The following NUDCD1 variants were observed in gnomAD, a reference collection of about 807,000 sequenced individuals.
The protein encoded by NUDCD1 is NudC domain containing 1, also known as nudC domain-containing protein 1.
A neutral mutation model predicts 67.8 loss-of-function variants in NUDCD1; 60 were observed. The ratio of observed to expected loss-of-function variants is 0.88; its 90% CI spans 0.72 to 1.10. The LOEUF (loss-of-function observed/expected upper bound fraction) is 1.10. Ranked by LOEUF, NUDCD1 falls within the 50% of genes least tolerant of loss-of-function variation. NUDCD1 has a pLI of 0.00. For synonymous variants in NUDCD1, 244 were observed against 230.8 expected, an observed-to-expected ratio of 1.06 and a Z score of -0.52; for missense variants, 643 against 695.0, an observed-to-expected ratio of 0.93 and a Z score of 0.84.
intron 1 of NUDCD1, among the ~76,000 whole-genome samples, chr8:109,332,074 T>A (rs1328883462): frequency 6.6e-6 from 1 of 152,202 alleles, no homozygotes; most frequent in Non-Finnish European, 1.5e-5. Context: ...ATTGAATACA[T>A]CCTATGTGCC....
intron 8 of NUDCD1, among the ~76,000 whole-genome samples, chr8:109,247,808 T>C (rs1813532816): frequency 2.6e-5 from 4 of 152,218 alleles, no homozygotes; most frequent in Non-Finnish European, 5.9e-5. Flanking sequence ...GCATCATGTA[T>C]GTTATTCCTA....
At chr8:109,313,758 C>A (rs1321410214) in intron 2 of NUDCD1, 6 of 517,942 alleles carry the variant, frequency 1.2e-5, no homozygotes, top group South Asian at 9.3e-5. Context: ...TCATTTTATA[C>A]ACAATTATGA....
intron 8 of NUDCD1, among the ~76,000 whole-genome samples, chr8:109,263,076 A>AAAAC: frequency 6.7e-6 from 1 of 150,226 alleles, no homozygotes; most frequent in Non-Finnish European, 1.5e-5. Context: ...AAAAAAAAAA[A>AAAAC]AAACCCTGAA....
intron 8 of NUDCD1, among the ~76,000 whole-genome samples, chr8:109,251,908 C>T (rs965410820): frequency 6.6e-6 from 1 of 152,054 alleles, no homozygotes; most frequent in South Asian, 2.1e-4. Context: ...GTAAATATCC[C>T]CCTAAGCTTT....
At chr8:109,286,058 TA>T (rs1442819405) in intron 5 of NUDCD1, among the ~76,000 whole-genome samples, 1 of 150,408 alleles carries the variant, frequency 6.6e-6, no homozygotes, top group Non-Finnish European at 1.5e-5. Context: ...TAGCTGCCAA[TA>T]ATAATAATAA....
At chr8:109,249,306 T>C (rs1586247995) in intron 8 of NUDCD1, among the ~76,000 whole-genome samples, 1 of 152,240 alleles carries the variant, frequency 6.6e-6, no homozygotes, top group African/African-American at 2.4e-5. Flanking sequence ...TGTATATTAA[T>C]GGCATTTCAA....
chr8:109,329,509 T>C (rs1815755633), intron 1 of NUDCD1, among the ~76,000 whole-genome samples: 3 of 152,118 alleles, frequency 2.0e-5, no homozygotes, highest in Admixed American at 6.5e-5. Flanking sequence ...AAAGATAGGA[T>C]AATGTGAGAT....
chr8:109,329,824 G>A (rs1212615626), intron 1 of NUDCD1: 3 of 1,550,678 alleles, frequency 1.9e-6, no homozygotes, highest in South Asian at 2.4e-5. Context: ...TCCAACCCTG[G>A]AGATAAAGCA....
chr8:109,269,080 C>T (rs2129942694), intron 8 of NUDCD1, among the ~76,000 whole-genome samples: 1 of 152,146 alleles, frequency 6.6e-6, no homozygotes, highest in Middle Eastern at 3.4e-3. Flanking sequence ...CAAGATGGAC[C>T]TAAAACCATT....
At chr8:109,307,887 T>C (rs1351828017) in intron 2 of NUDCD1, among the ~76,000 whole-genome samples, 2 of 152,186 alleles carry the variant, frequency 1.3e-5, no homozygotes, top group East Asian at 1.9e-4. Context: ...AGGGACATTA[T>C]ACAATGATAA....
At chr8:109,294,490 A>G (rs895938891) in intron 3 of NUDCD1, among the ~76,000 whole-genome samples, 7 of 152,172 alleles carry the variant, frequency 4.6e-5, no homozygotes, top group Admixed American at 1.3e-4. Flanking sequence ...TTATTGGTTG[A>G]TTGGGTTTTG....
intron 1 of NUDCD1, among the ~76,000 whole-genome samples, chr8:109,325,716 G>A (rs1017082013): frequency 3.3e-5 from 5 of 152,178 alleles, no homozygotes; most frequent in African/African-American, 1.2e-4. Context: ...TGAATGGACT[G>A]TATTTATTTT....
chr8:109,325,530 T>G (rs568699517), intron 1 of NUDCD1, among the ~76,000 whole-genome samples: 33 of 152,078 alleles, frequency 2.2e-4, no homozygotes, highest in Non-Finnish European at 4.7e-4. Flanking sequence ...TACCCACTCC[T>G]CTACTTTTCC....
At chr8:109,325,184 T>C (rs900887525) in intron 1 of NUDCD1, among the ~76,000 whole-genome samples, 1 of 151,906 alleles carries the variant, frequency 6.6e-6, no homozygotes, top group Non-Finnish European at 1.5e-5. Context: ...AAGATAGTTA[T>C]CAGAGGCTGG....
intron 2 of NUDCD1, among the ~76,000 whole-genome samples, chr8:109,320,111 A>C (rs1815498619): frequency 6.6e-6 from 1 of 152,242 alleles, no homozygotes; most frequent in Non-Finnish European, 1.5e-5. Flanking sequence ...GACTGGGGCG[A>C]AATTAAAATT....
At chr8:109,316,581 T>A (rs955370095) in intron 2 of NUDCD1, 1 of 152,352 alleles carries the variant, frequency 6.6e-6, no homozygotes, top group Middle Eastern at 3.4e-3. Flanking sequence ...TTTTCTGCTA[T>A]AAGCCAATAG....
In NUDCD1 at chr8:109,322,391, T is replaced by A. The variant is rs1192050886; in HGVS notation, c.191A>T (p.Tyr64Phe). 1.2e-6 allele frequency: 2 copies of A among 1,601,424 alleles called. No individual in the cohort carries two copies. The highest frequency in any genetic ancestry group is 1.7e-6 in the Non-Finnish European group (2 of 1,169,042). ...EHMHAFGMYN[Y>F]LHCDSWYQDS... ...TTGATACCATGAATCACAGTGCAGG[T>A]AATTATACATTCCAAAAGCATGCAT... Residue 64 changes from tyrosine (Y) to phenylalanine (F), a missense_variant, in exon 2 of 10, where the codon TAC becomes TTC. Coordinates refer to ENST00000239690, the MANE Select transcript of NUDCD1 (RefSeq NM_032869.4).
At chr8:109,301,288 C>A (rs184621292) in intron 2 of NUDCD1, among the ~76,000 whole-genome samples, 1 of 152,150 alleles carries the variant, frequency 6.6e-6, no homozygotes, top group Non-Finnish European at 1.5e-5. Context: ...TATTCTCCCC[C>A]CGCCCTTAAG....
In NUDCD1 at chr8:109,293,447, A is replaced by G. The variant is rs1434404569; in HGVS notation, c.537T>C (p.Ser179=). ...SISLLNAEEH[S]IATLLLRIEK... ...CTATTCGAAGAAGTAGGGTAGCTAT[A>G]GAATGTTCTTCAGCATTTAGCAGTG... Residue 179 remains serine (S), a synonymous_variant, in exon 4 of 10, where the codon TCT becomes TCC. Transcript: ENST00000239690. The G allele has an allele frequency of 6.3e-7, 1 of 1,593,444 alleles. No homozygotes were observed. Among genetic ancestry groups the G allele is most frequent in the East Asian group, 2.3e-5 (1 of 43,980 alleles).
Sources: allele counts gnomAD v4.1 joint callset (sites outside exome capture counted in the v4.1 genomes callset), GRCh38; gene constraint gnomAD v4.1.1; transcripts MANE v1.5; gene names NCBI Gene and HGNC (gene_info 2026-07-23, HGNC 2026-07-21).